TNFRSF1B: variants seen among roughly 807,000 people sequenced by gnomAD.
TNFRSF1B encodes tumor necrosis factor receptor superfamily member 1B.
TNFRSF1B carries 19 observed loss-of-function variants against 44.6 expected under a neutral mutation model. The observed-to-expected ratio is 0.43, with a 90% confidence interval of 0.30 to 0.62. TNFRSF1B has a LOEUF of 0.62. Among genes scored for constraint, TNFRSF1B ranks in the 20% least tolerant of loss-of-function variants. TNFRSF1B has a pLI of 0.16. For missense variants in TNFRSF1B, 541 were observed against 619.9 expected (o/e 0.87, Z 1.35); for synonymous variants, 252 against 261.1 (o/e 0.97, Z 0.34).
At chr1:12,185,421 G>T (rs565054210) in intron 1 of TNFRSF1B, among the ~76,000 whole-genome samples, 25 of 151,436 alleles carry the variant, frequency 1.7e-4, no homozygotes, top group African/African-American at 6.0e-4. Context: ...GGGTGCTTTG[G>T]ACACAGGCAG....
intron 1 of TNFRSF1B, among the ~76,000 whole-genome samples, chr1:12,179,437 G>A (rs1368461969): frequency 6.6e-6 from 1 of 152,186 alleles, no homozygotes; most frequent in Admixed American, 6.5e-5. Context: ...ACGCCCTAGG[G>A]GCCCCGCGAC....
rs1553163434 is a variant in TNFRSF1B, at chr1:12,183,699, T to TCTATCTATCTAG, written c.79-5086_79-5085insGCTATCTATCTA. On this transcript the variant is annotated intron_variant, in intron 1 of 9. Transcript: ENST00000376259. ...ATCTATCTATCTATCTATCTATCTA[T>TCTATCTATCTAG]CTATCTATCTATTCTATCTACCTAT... Among the ~76,000 whole-genome samples, 20 of 102,334 alleles carry TCTATCTATCTAG rather than the reference T, an allele frequency of 2.0e-4. 2 individuals carry two copies. The highest frequency in any genetic ancestry group is 6.1e-4 in the African/African-American group (19 of 30,944). The allele number at this position is 102,334 out of a possible 152,430, so 67.1% of individuals were successfully genotyped here. A position where few individuals can be genotyped will look rare whatever the true frequency, so the allele number is the denominator to read the frequency against.
Position 12,199,518 on chromosome 1 carries a change from C to G in TNFRSF1B, c.901-2449C>G, listed in dbSNP as rs1443815412. On this transcript the variant is annotated intron_variant, in intron 8 of 9. Coordinates refer to ENST00000376259, the MANE Select transcript of TNFRSF1B (RefSeq NM_001066.3). This position sits in a 1 kb window ranked among gnomAD's most constrained non-coding sequence, Gnocchi z 4.0. ...GGGGATGGCTTGCACGAGATCCCTCCAGTCCTGAGTGAGAGGCTGTGGCCT... is the reference window on the plus strand; with the variant it reads ...GGGGATGGCTTGCACGAGATCCCTCGAGTCCTGAGTGAGAGGCTGTGGCCT... Among the ~76,000 whole-genome samples the G allele has an allele frequency of 1.3e-5, 2 of 152,234 alleles. No individual in the cohort carries two copies. Among genetic ancestry groups the G allele is most frequent in the Non-Finnish European group, 2.9e-5 (2 of 68,030 alleles).
At position 12,199,495 on chromosome 1, in the gene TNFRSF1B, G is replaced by T. The variant is rs1010424819; in HGVS notation, c.901-2472G>T. On this transcript the variant is annotated intron_variant, in intron 8 of 9. Coordinates refer to ENST00000376259, the MANE Select transcript of TNFRSF1B (RefSeq NM_001066.3). The surrounding 1 kb of genome is among the most constrained non-coding windows in gnomAD (Gnocchi z 4.0). ...TCTCTGGGCCTCCGTGGCCTCTTGG[G>T]GATGGCTTGCACGAGATCCCTCCAG... 5.9e-5 allele frequency among the ~76,000 whole-genome samples: 9 copies of T among 152,350 alleles called. No homozygotes were observed. Among genetic ancestry groups the T allele is most frequent in the Admixed American group, 5.2e-4 (8 of 15,306 alleles).
intron 1 of TNFRSF1B, among the ~76,000 whole-genome samples, chr1:12,183,690 A>AGCTATCTATCTAT (rs1638877885): frequency 8.2e-6 from 1 of 122,558 alleles, no homozygotes; most frequent in African/African-American, 2.8e-5. Context: ...CTATCTATCT[A>AGCTATCTATCTAT]TCTATCTATC....
chr1:12,176,426 C>T (rs1638658381), intron 1 of TNFRSF1B, among the ~76,000 whole-genome samples: 3 of 152,168 alleles, frequency 2.0e-5, no homozygotes. Flanking sequence ...TTTCTAAATA[C>T]TTTACATGTG....
chr1:12,198,659 T>TGCTGGCTGGCTG (rs138944650), intron 8 of TNFRSF1B, among the ~76,000 whole-genome samples: 1 of 141,412 alleles, frequency 7.1e-6, no homozygotes, highest in African/African-American at 2.7e-5. Flanking sequence ...GAGCTGAGGG[T>TGCTGGCTGGCTG]GCTGGCTGGC....
chr1:12,167,008 C>T lies in TNFRSF1B; in HGVS notation c.-84C>T. 1 of 1,040,290 alleles carries T rather than the reference C, an allele frequency of 9.6e-7. No individual in the cohort carries two copies. The highest frequency in any genetic ancestry group is 1.2e-6 in the Non-Finnish European group (1 of 810,304). The allele number at this position is 1,040,290 out of a possible 1,614,324, so 64.4% of individuals were successfully genotyped here. On this transcript the variant is annotated 5_prime_UTR_variant, in exon 1 of 10. Coordinates refer to ENST00000376259, the MANE Select transcript of TNFRSF1B (RefSeq NM_001066.3). ...TCGCTTTCAGTCGAGGGCTAGCGAG[C>T]GCAGCGGAGCCTGGAGAGAAGGCGC... is the stretch of plus-strand genomic sequence containing the variant.
chr1:12,179,231 C>G (rs572408261), intron 1 of TNFRSF1B, among the ~76,000 whole-genome samples: 1 of 152,200 alleles, frequency 6.6e-6, no homozygotes, highest in African/African-American at 2.4e-5. Flanking sequence ...GTGTCACCCC[C>G]GGGTTGCCTG....
At chr1:12,194,740 C>A in intron 8 of TNFRSF1B, 122 bp downstream of exon 8, 1 of 1,286,842 alleles carries the variant, frequency 7.8e-7, no homozygotes, top group Non-Finnish European at 1.1e-6. Flanking sequence ...GTGTGCAGAG[C>A]CCTGGGAGGT....
Position 12,202,144 on chromosome 1 carries a change from G to T in TNFRSF1B, c.1078G>T (p.Glu360Ter), listed in dbSNP as rs1449635211. 1 of 1,554,240 alleles carries T rather than the reference G, an allele frequency of 6.4e-7. No individual in the cohort carries two copies. The highest frequency in any genetic ancestry group is 8.7e-7 in the Non-Finnish European group (1 of 1,149,914). The change falls in exon 9 of 10, where the codon GAG becomes TAG. Residue 360 changes from glutamate (E) to a stop codon, truncating the protein, a stop_gained. Coordinates refer to ENST00000376259, the MANE Select transcript of TNFRSF1B (RefSeq NM_001066.3). LOFTEE classifies it low-confidence loss of function (END_TRUNC). ...AGGCGTGGAGGCCAGTGGGGCCGGG[G>T]AGGCCCGGGCCAGCACCGGGAGCTC... is the stretch of plus-strand genomic sequence containing the variant. ...APGVEASGAG[E>*]ARASTGSSDS... is the part of the protein sequence containing the mutation.
In TNFRSF1B at chr1:12,173,248, G is replaced by A. The variant is rs921634573; in HGVS notation, c.78+6079G>A. Among the ~76,000 whole-genome samples the A allele has an allele frequency of 3.9e-5, 6 of 152,108 alleles. No homozygotes were observed. The East Asian group carries it at 7.7e-4, about 20-fold the overall frequency. On this transcript the variant is annotated intron_variant, in intron 1 of 9. Coordinates refer to ENST00000376259, the MANE Select transcript of TNFRSF1B (RefSeq NM_001066.3). Reference sequence around the variant, plus strand: ...TTTCCTAGAATATTGGGGAAGTGTCGGCTTTGAGTATACTTGACAAAGGCC... The same window carrying A: ...TTTCCTAGAATATTGGGGAAGTGTCAGCTTTGAGTATACTTGACAAAGGCC...
Position 12,191,889 on chromosome 1 carries a change from C to T in TNFRSF1B, c.423C>T (p.Arg141=), listed in dbSNP as rs1157164051. The T allele has an allele frequency of 3.7e-6, 6 of 1,610,018 alleles. No homozygotes were observed. The highest frequency in any genetic ancestry group is 5.1e-6 in the Non-Finnish European group (6 of 1,178,768). ...QEGCRLCAPL[R]KCRPGFGVAR... ...GGTGCCGGCTGTGCGCGCCGCTGCGCAAGTGCCGCCCGGGCTTCGGCGTGG... is the reference window on the plus strand; with the variant it reads ...GGTGCCGGCTGTGCGCGCCGCTGCGTAAGTGCCGCCCGGGCTTCGGCGTGG... Residue 141 remains arginine, a synonymous_variant, in exon 4 of 10, where the codon CGC becomes CGT. Transcript: ENST00000376259.
intron 1 of TNFRSF1B, among the ~76,000 whole-genome samples, chr1:12,183,218 G>A (rs567396285): frequency 9.8e-5 from 15 of 152,308 alleles, no homozygotes; most frequent in East Asian, 5.8e-4. Context: ...GATGGGAGGC[G>A]GCTCAGAGAC....
chr1:12,198,002 G>A (rs1021989734), intron 8 of TNFRSF1B, among the ~76,000 whole-genome samples: 3 of 151,966 alleles, frequency 2.0e-5, no homozygotes, highest in Admixed American at 1.3e-4. Flanking sequence ...GCGGGCGCCC[G>A]TAGTCCCAGC....
At chr1:12,198,659 T>TGCTGGCTGGCTGGCTG (rs138944650) in intron 8 of TNFRSF1B, among the ~76,000 whole-genome samples, 1 of 141,356 alleles carries the variant, frequency 7.1e-6, no homozygotes, top group Non-Finnish European at 1.5e-5. Context: ...GAGCTGAGGG[T>TGCTGGCTGGCTGGCTG]GCTGGCTGGC....
At chr1:12,189,931 G>A (rs550523) in intron 2 of TNFRSF1B, among the ~76,000 whole-genome samples, 31,312 of 152,150 alleles carry the variant, frequency 0.21, 3,338 homozygotes, top group South Asian at 0.26. Flanking sequence ...CTTGAAGTCG[G>A]AGCCTGTTTG....
chr1:12,184,217 C>T (rs933690701), intron 1 of TNFRSF1B, among the ~76,000 whole-genome samples: 3 of 152,220 alleles, frequency 2.0e-5, no homozygotes, highest in Non-Finnish European at 2.9e-5. Flanking sequence ...CAGAGGCCGG[C>T]TCCCAGGGCT....
rs1050954066 is a variant in TNFRSF1B, at chr1:12,169,960, T to G, written c.78+2791T>G. Reference sequence around the variant, plus strand: ...GGGCCAGTTTGGGTTAGGGGAGAGGTTGGGGGCTCCCAGGCTGGATGTCAA... The same window carrying G: ...GGGCCAGTTTGGGTTAGGGGAGAGGGTGGGGGCTCCCAGGCTGGATGTCAA... On this transcript the variant is annotated intron_variant, in intron 1 of 9. Transcript: ENST00000376259. This position sits in a 1 kb window ranked among gnomAD's most constrained non-coding sequence, Gnocchi z 4.5. 2.6e-5 allele frequency among the ~76,000 whole-genome samples: 4 copies of G among 152,124 alleles called. No individual in the cohort carries two copies. Among genetic ancestry groups the G allele is most frequent in the African/African-American group, 7.2e-5 (3 of 41,502 alleles).
Sources: gnomAD v4.1 joint callset for allele counts (sites outside exome capture counted in the v4.1 genomes callset) on GRCh38, gnomAD v4.1.1 for gene constraint, Gnocchi (gnomAD v3.1) non-coding constraint, MANE v1.5 for transcripts, NCBI Gene and HGNC (gene_info 2026-07-23, HGNC 2026-07-21) for gene names.